The following KIF6 variants were observed in gnomAD, a reference collection of about 807,000 sequenced individuals.
KIF6 encodes kinesin family member 6, also known as kinesin-like protein KIF6.
Under a neutral mutation model 112.7 loss-of-function variants are expected in KIF6, and 106 were observed. The observed-to-expected ratio is 0.94, with a 90% CI of 0.80 to 1.11. The LOEUF is 1.11. Ranked by LOEUF, KIF6 falls within the 50% of genes least tolerant of loss-of-function variation. KIF6 has a pLI of 0.00. For missense variants in KIF6, 929 were observed against 964.0 expected, an observed-to-expected ratio of 0.96 and a Z score of 0.48; for synonymous variants, 339 against 339.9, an observed-to-expected ratio of 1.00 and a Z score of 0.03.
At chr6:39,541,077 C>T (rs1046151556) in intron 12 of KIF6, among the ~76,000 whole-genome samples, 1 of 152,140 alleles carries the variant, frequency 6.6e-6, no homozygotes, top group Non-Finnish European at 1.5e-5. Context: ...GCCTTTGCAT[C>T]GCTAGAGAAG....
At chr6:39,351,143 A>G (rs1764210444) in intron 19 of KIF6, among the ~76,000 whole-genome samples, 1 of 148,374 alleles carries the variant, frequency 6.7e-6, no homozygotes. Context: ...GATCTGATGC[A>G]CACCTTTCAA....
At chr6:39,697,187 A>G (rs960286498) in intron 3 of KIF6, among the ~76,000 whole-genome samples, 2 of 152,112 alleles carry the variant, frequency 1.3e-5, no homozygotes, top group African/African-American at 4.8e-5. Flanking sequence ...CCCTATTTCC[A>G]AATGGTGCAG....
At chr6:39,638,731 C>T (rs1391116142) in intron 4 of KIF6, among the ~76,000 whole-genome samples, 1 of 152,030 alleles carries the variant, frequency 6.6e-6, no homozygotes. Context: ...ATGTATTATA[C>T]AGAAGTAATA....
At chr6:39,394,347 G>A (rs1158450900) in intron 15 of KIF6, among the ~76,000 whole-genome samples, 1 of 152,184 alleles carries the variant, frequency 6.6e-6, no homozygotes, top group African/African-American at 2.4e-5. Flanking sequence ...TGGAAATTGC[G>A]CTTGAGCACC....
At chr6:39,498,185 T>G (rs955355491) in intron 13 of KIF6, among the ~76,000 whole-genome samples, 1 of 152,044 alleles carries the variant, frequency 6.6e-6, no homozygotes. Flanking sequence ...CAATCTACAT[T>G]AAAAAAATAA....
chr6:39,360,455 G>GGCTTTGTC lies in KIF6; in HGVS notation c.2014_2021dup (p.Lys675ThrfsTer5). 6.2e-7 allele frequency: 1 copy of GGCTTTGTC among 1,614,186 alleles called. No homozygotes were observed. The highest frequency in any genetic ancestry group is 8.5e-7 in the Non-Finnish European group (1 of 1,180,038). Reference sequence around the variant, plus strand: ...CAAACTCTTTCTGTAGCTTCACCTTGGCTTTGTCCATGAGCAGCTGCAAGT... The same window carrying GGCTTTGTC: ...CAAACTCTTTCTGTAGCTTCACCTTGGCTTTGTCGCTTTGTCCATGAGCAGCTGCAAGT... On this transcript the variant is annotated frameshift_variant, in exon 18 of 23. Transcript: ENST00000287152. LOFTEE classifies it high-confidence loss of function.
At chr6:39,680,879 G>T (rs1486863541) in intron 3 of KIF6, among the ~76,000 whole-genome samples, 4 of 152,178 alleles carry the variant, frequency 2.6e-5, no homozygotes, top group African/African-American at 9.7e-5. Context: ...TGCAGGTGGG[G>T]AATGCAAAAG....
At chr6:39,615,916 A>C (rs1294971957) in intron 5 of KIF6, among the ~76,000 whole-genome samples, 1 of 152,138 alleles carries the variant, frequency 6.6e-6, no homozygotes, top group Admixed American at 6.6e-5. Context: ...TTAACCACAC[A>C]ATAACTAACG....
chr6:39,429,478 G>A (rs1445604076), intron 14 of KIF6, among the ~76,000 whole-genome samples: 1 of 152,074 alleles, frequency 6.6e-6, no homozygotes, highest in Non-Finnish European at 1.5e-5. Flanking sequence ...CAGGAGCCTT[G>A]CTGTGTCAGC....
chr6:39,573,236 A>G (rs529177191), intron 10 of KIF6, among the ~76,000 whole-genome samples: 3 of 152,022 alleles, frequency 2.0e-5, no homozygotes, highest in East Asian at 3.9e-4. Context: ...TTTGGGCGCA[A>G]TAAGAGGACT....
At chr6:39,638,296 G>A (rs1784730113) in intron 4 of KIF6, among the ~76,000 whole-genome samples, 1 of 152,030 alleles carries the variant, frequency 6.6e-6, no homozygotes, top group Admixed American at 6.6e-5. Flanking sequence ...CCGCCCCAAG[G>A]CCACATGCTG....
At chr6:39,347,854 C>T (rs1304888786) in intron 19 of KIF6, among the ~76,000 whole-genome samples, 1 of 152,252 alleles carries the variant, frequency 6.6e-6, no homozygotes, top group African/African-American at 2.4e-5. Context: ...TGTGGTCAAA[C>T]AAGCAAGAAA....
rs192230246 is a variant in KIF6, at chr6:39,629,893, T to C, written c.509+4956A>G. On this transcript the variant is annotated intron_variant, in intron 5 of 22. Coordinates refer to ENST00000287152, the MANE Select transcript of KIF6 (RefSeq NM_145027.6). ...GTAAGGTCCCTGTCCAGATTCACTTTTTTCATGTGTGCATATCCAGTTGCT... is the reference window on the plus strand; with the variant it reads ...GTAAGGTCCCTGTCCAGATTCACTTCTTTCATGTGTGCATATCCAGTTGCT... Among the ~76,000 whole-genome samples, 1,168 of 152,172 alleles carry C rather than the reference T, an allele frequency of 7.7e-3. 19 individuals carry two copies. The highest frequency in any genetic ancestry group is 0.027 in the African/African-American group (1,111 of 41,554).
chr6:39,369,468 A>G (rs527670967), intron 16 of KIF6, among the ~76,000 whole-genome samples: 3 of 152,296 alleles, frequency 2.0e-5, no homozygotes, highest in South Asian at 4.1e-4. Context: ...CTTTATTACA[A>G]TCAGAAACGT....
chr6:39,628,812 C>T (rs1784218503), intron 5 of KIF6, among the ~76,000 whole-genome samples: 1 of 152,090 alleles, frequency 6.6e-6, no homozygotes, highest in South Asian at 2.1e-4. Context: ...CAGAAACCCC[C>T]TGTGCTTCAC....
intron 3 of KIF6, among the ~76,000 whole-genome samples, chr6:39,645,929 T>C (rs1043934063): frequency 3.9e-4 from 59 of 151,808 alleles, no homozygotes; most frequent in African/African-American, 1.2e-3. Context: ...ATGAGAACAC[T>C]TGGACACAGG....
intron 7 of KIF6, among the ~76,000 whole-genome samples, chr6:39,588,997 C>T (rs1428429520): frequency 6.6e-6 from 1 of 152,158 alleles, no homozygotes; most frequent in Non-Finnish European, 1.5e-5. Flanking sequence ...CAAGTTGCTC[C>T]CTAATACACT....
chr6:39,458,257 T>C (rs1457512441), intron 13 of KIF6, among the ~76,000 whole-genome samples: 6 of 150,300 alleles, frequency 4.0e-5, no homozygotes, highest in Admixed American at 3.3e-4. Context: ...ATAAACAGAG[T>C]CAAAGACAAA....
intron 3 of KIF6, among the ~76,000 whole-genome samples, chr6:39,643,139 T>C (rs901389742): frequency 1.3e-5 from 2 of 152,170 alleles, no homozygotes; most frequent in African/African-American, 4.8e-5. Flanking sequence ...GACATAATCT[T>C]GTATATAGAA....
Sources: gnomAD v4.1 joint callset for allele counts (sites outside exome capture counted in the v4.1 genomes callset) on GRCh38, gnomAD v4.1.1 for gene constraint, MANE v1.5 for transcripts, NCBI Gene and HGNC (gene_info 2026-07-23, HGNC 2026-07-21) for gene names.